HS2ST1: variants seen among roughly 807,000 people sequenced by gnomAD.
The protein encoded by HS2ST1 is 2-O-sulfotransferase.
Under a neutral mutation model 42.9 loss-of-function variants are expected in HS2ST1, and 18 were observed. The ratio of observed to expected loss-of-function variants is 0.42; its 90% CI spans 0.29 to 0.62. HS2ST1 has a LOEUF of 0.62. HS2ST1 is among the 20% of genes least tolerant of loss of function. The pLI, the probability that HS2ST1 is intolerant of heterozygous loss-of-function variation, is 0.21. For missense variants in HS2ST1, 334 were observed against 433.8 expected (o/e 0.77, Z 2.04); for synonymous variants, 146 against 152.9 (o/e 0.95, Z 0.33).
chr1:87,097,276 A>G (rs1310800704), intron 4 of HS2ST1, among the ~76,000 whole-genome samples: 1 of 152,258 alleles, frequency 6.6e-6, no homozygotes, highest in Non-Finnish European at 1.5e-5. Flanking sequence ...TTTAAAAAGC[A>G]TATGAAACAA....
intron 1 of HS2ST1, among the ~76,000 whole-genome samples, chr1:86,968,635 G>A (rs779044735): frequency 1.3e-5 from 2 of 151,970 alleles, no homozygotes; most frequent in African/African-American, 2.4e-5. Context: ...GGGACTCCTG[G>A]CCTCAAGCAT....
At chr1:87,015,134 C>T (rs539841390) in intron 1 of HS2ST1, among the ~76,000 whole-genome samples, 6 of 152,142 alleles carry the variant, frequency 3.9e-5, no homozygotes, top group South Asian at 2.1e-4. Context: ...CTGCAACCTC[C>T]GACTTCTGAG....
At chr1:86,939,015 G>GT (rs1271010171) in intron 1 of HS2ST1, among the ~76,000 whole-genome samples, 1 of 151,788 alleles carries the variant, frequency 6.6e-6, no homozygotes, top group Non-Finnish European at 1.5e-5. Flanking sequence ...CTCAAGTGTT[G>GT]TTTTTTTTAG....
chr1:87,068,125 G>A (rs939009962), intron 1 of HS2ST1, among the ~76,000 whole-genome samples: 15 of 152,046 alleles, frequency 9.9e-5, no homozygotes, highest in African/African-American at 2.9e-4. Context: ...AGCTTGATGG[G>A]GATAGCATTG....
In HS2ST1 at chr1:86,922,849, T is replaced by C. The variant is rs563245564; in HGVS notation, c.124+7689T>C. Among the ~76,000 whole-genome samples the C allele has an allele frequency of 2.7e-3, 406 of 152,324 alleles. 2 individuals carry two copies. Among genetic ancestry groups the C allele is most frequent in the Non-Finnish European group, 4.2e-3 (289 of 68,032 alleles). ...TCTTGTGCCTGGGGTTTGTTGAGCT[T>C]CTTGGATCTGTGAGTTTACAGTTTT... On this transcript the variant is annotated intron_variant, in intron 1 of 6. Transcript: ENST00000370550.
At chr1:87,007,069 T>G (rs1035630556) in intron 1 of HS2ST1, among the ~76,000 whole-genome samples, 2 of 152,024 alleles carry the variant, frequency 1.3e-5, no homozygotes, top group Non-Finnish European at 2.9e-5. Context: ...GCATAAAGAT[T>G]TTTTGGTCAA....
chr1:86,996,681 C>G (rs1649112987), intron 1 of HS2ST1, among the ~76,000 whole-genome samples: 2 of 152,110 alleles, frequency 1.3e-5, no homozygotes, highest in Non-Finnish European at 2.9e-5. Context: ...AAACAGACAA[C>G]TGAAGGAGAA....
chr1:87,089,335 A>G (rs1367386734), intron 3 of HS2ST1, among the ~76,000 whole-genome samples: 2 of 152,108 alleles, frequency 1.3e-5, no homozygotes, highest in East Asian at 3.9e-4. Context: ...TTCGTTTCTG[A>G]TTTTCATCTG....
chr1:86,993,096 A>C, intron 1 of HS2ST1: 1 of 1,600,118 alleles, frequency 6.2e-7, no homozygotes, highest in Non-Finnish European at 8.5e-7. Context: ...TGTTTATCAA[A>C]TTCATTCATC....
intron 5 of HS2ST1, among the ~76,000 whole-genome samples, chr1:87,099,775 T>C (rs1217700101): frequency 2.0e-5 from 3 of 152,148 alleles, no homozygotes; most frequent in Admixed American, 6.5e-5. Context: ...AAAAAACAAG[T>C]TATTTATTCC....
In HS2ST1 at chr1:87,099,323, G is replaced by A. The variant is rs78672249; in HGVS notation, c.686+1388G>A. ...AGCATGGCACCAACAAGGGCCTCAG[G>A]AAGCTTACACTCGTGGCAGAAGGTG... On this transcript the variant is annotated intron_variant, in intron 5 of 6. Coordinates refer to ENST00000370550, the MANE Select transcript of HS2ST1 (RefSeq NM_012262.4). Among the ~76,000 whole-genome samples, 424 of 152,314 alleles carry A rather than the reference G, an allele frequency of 2.8e-3. 1 individual carries two copies. Among genetic ancestry groups the A allele is most frequent in the African/African-American group, 9.7e-3 (403 of 41,574 alleles).
chr1:87,009,540 C>G (rs1649536796), intron 1 of HS2ST1, among the ~76,000 whole-genome samples: 1 of 152,212 alleles, frequency 6.6e-6, no homozygotes, highest in African/African-American at 2.4e-5. Context: ...TTGGACATCT[C>G]TCTCACTCCC....
intron 1 of HS2ST1, among the ~76,000 whole-genome samples, chr1:86,963,864 TGGCTGGCCGGGCGGGGC>T (rs1175361509): frequency 1.4e-5 from 2 of 139,850 alleles, no homozygotes; most frequent in African/African-American, 2.7e-5. Flanking sequence ...CCGGACGGGG[TGGCTGGCCGGGCGGGGC>T]GGCTGGCCTG....
intron 4 of HS2ST1, 90 bp from the exon 5 acceptor site, chr1:87,097,748 G>T: frequency 6.8e-7 from 1 of 1,466,366 alleles, no homozygotes. Context: ...ACCTACTCTG[G>T]CCCATTTATT....
At chr1:86,933,556 G>T (rs749129645) in intron 1 of HS2ST1, among the ~76,000 whole-genome samples, 1 of 152,112 alleles carries the variant, frequency 6.6e-6, no homozygotes, top group African/African-American at 2.4e-5. Context: ...TGAATGTCGT[G>T]TAGTTTTTTC....
intron 1 of HS2ST1, among the ~76,000 whole-genome samples, chr1:87,062,261 C>T (rs1483770456): frequency 1.3e-5 from 2 of 151,582 alleles, no homozygotes; most frequent in East Asian, 3.9e-4. Flanking sequence ...GTTTTTTTCA[C>T]TTCTGTTTTC....
chr1:86,947,496 A>G (rs1012784558), intron 1 of HS2ST1, among the ~76,000 whole-genome samples: 10 of 152,094 alleles, frequency 6.6e-5, no homozygotes, highest in African/African-American at 2.2e-4. Context: ...AGTTTTGATG[A>G]AGGGTGTTCT....
rs543666073 is a variant in HS2ST1, at chr1:87,100,360, G to A, written c.686+2425G>A. 6.6e-5 allele frequency among the ~76,000 whole-genome samples: 10 copies of A among 152,286 alleles called. No homozygotes were observed. In the South Asian group the frequency reaches 2.1e-3, roughly 32 times the overall value. On this transcript the variant is annotated intron_variant, in intron 5 of 6. Coordinates refer to ENST00000370550, the MANE Select transcript of HS2ST1 (RefSeq NM_012262.4). ...TATACCTGGACTCCTTTGAGCTGAG[G>A]CTGGAACTGGAGTGGCCGGGATGTG...
intron 1 of HS2ST1, among the ~76,000 whole-genome samples, chr1:86,925,412 A>G (rs1355724498): frequency 6.6e-6 from 1 of 152,172 alleles, no homozygotes; most frequent in Non-Finnish European, 1.5e-5. Flanking sequence ...ATACCAGTTT[A>G]CTGTTTTAGT....
Sources: gnomAD v4.1 joint callset for allele counts (sites outside exome capture counted in the v4.1 genomes callset) on GRCh38, gnomAD v4.1.1 for gene constraint, MANE v1.5 for transcripts, NCBI Gene and HGNC (gene_info 2026-07-23, HGNC 2026-07-21) for gene names.